Variants in RAB3C observed in about 807,000 individuals in gnomAD.
RAB3C encodes ras-related protein Rab-3C.
Under a neutral mutation model 26.4 loss-of-function variants are expected in RAB3C, and 17 were observed. The observed-to-expected ratio is 0.64, with a 90% CI of 0.44 to 0.97. The LOEUF (loss-of-function observed/expected upper bound fraction) is 0.97. Ranked by LOEUF, RAB3C falls within the 50% of genes least tolerant of loss-of-function variation. The probability of loss-of-function intolerance (pLI) is 0.00; values close to 1 mark genes in which losing one functional copy is unlikely to be tolerated. For missense variants in RAB3C, 242 were observed against 281.9 expected, an observed-to-expected ratio of 0.86 and a Z score of 1.01; for synonymous variants, 91 against 95.9, an observed-to-expected ratio of 0.95 and a Z score of 0.30.
At chr5:58,699,243 G>A (rs1168051725) in intron 2 of RAB3C, among the ~76,000 whole-genome samples, 2 of 152,152 alleles carry the variant, frequency 1.3e-5, no homozygotes, top group Non-Finnish European at 2.9e-5. Context: ...TGTTTGCCTG[G>A]GTAGCATCAG....
At chr5:58,834,316 C>T (rs1743685755) in intron 4 of RAB3C, among the ~76,000 whole-genome samples, 1 of 152,192 alleles carries the variant, frequency 6.6e-6, no homozygotes, top group Admixed American at 6.5e-5. Flanking sequence ...TGAGCTCAGA[C>T]CTGCAATGTT....
chr5:58,611,648 T>C (rs1291380138), intron 1 of RAB3C, among the ~76,000 whole-genome samples: 1 of 152,148 alleles, frequency 6.6e-6, no homozygotes, highest in Non-Finnish European at 1.5e-5. Flanking sequence ...GTTAGAGGCA[T>C]AGTTTGCAAA....
intron 2 of RAB3C, among the ~76,000 whole-genome samples, chr5:58,624,912 T>C (rs1418375834): frequency 6.6e-6 from 1 of 152,150 alleles, no homozygotes; most frequent in East Asian, 1.9e-4. Flanking sequence ...CAATCTGGCA[T>C]TCAGTGATCC....
chr5:58,785,677 A>C (rs1396919881), intron 3 of RAB3C, among the ~76,000 whole-genome samples: 1 of 152,264 alleles, frequency 6.6e-6, no homozygotes, highest in Non-Finnish European at 1.5e-5. Flanking sequence ...AGGTGTTCAC[A>C]TCCTAATCTC....
intron 2 of RAB3C, among the ~76,000 whole-genome samples, chr5:58,658,071 GGAAA>G (rs1194082686): frequency 6.6e-6 from 1 of 152,138 alleles, no homozygotes; most frequent in Non-Finnish European, 1.5e-5. Flanking sequence ...TACAGAGAAA[GGAAA>G]GAAAGTTTGG....
intron 2 of RAB3C, among the ~76,000 whole-genome samples, chr5:58,635,082 G>A (rs1693137258): frequency 6.6e-6 from 1 of 152,122 alleles, no homozygotes; most frequent in South Asian, 2.1e-4. Context: ...ACTCAAAGAG[G>A]TGACAAGAAT....
chr5:58,764,375 C>A (rs1263666885), intron 3 of RAB3C, among the ~76,000 whole-genome samples: 2 of 152,156 alleles, frequency 1.3e-5, no homozygotes, highest in African/African-American at 4.8e-5. Flanking sequence ...GTGCTTTGTT[C>A]TAGAGGCAAG....
At chr5:58,693,611 A>C (rs1355334140) in intron 2 of RAB3C, among the ~76,000 whole-genome samples, 2 of 152,188 alleles carry the variant, frequency 1.3e-5, no homozygotes, top group Non-Finnish European at 2.9e-5. Context: ...AAGTGACTCC[A>C]AGTGACTTCT....
rs763652048 is a variant in RAB3C at position 58,802,296 on chromosome 5, G to A, written c.372-22742G>A. On this transcript the variant is annotated intron_variant, in intron 3 of 4. Transcript: ENST00000282878. ...TGGTATTCCTGGCTGGCTAATGGGCGAGCACACATTAATTCCAGGTTCAAA... is the reference window on the plus strand; with the variant it reads ...TGGTATTCCTGGCTGGCTAATGGGCAAGCACACATTAATTCCAGGTTCAAA... 7.2e-5 allele frequency among the ~76,000 whole-genome samples: 11 copies of A among 152,124 alleles called. No homozygotes were observed. The East Asian group carries it at 9.7e-4, about 13-fold the overall frequency.
chr5:58,594,741 C>T (rs1746211493), intron 1 of RAB3C, among the ~76,000 whole-genome samples: 2 of 151,196 alleles, frequency 1.3e-5, no homozygotes, highest in Admixed American at 1.3e-4. Context: ...AGGAATTTTT[C>T]AATGGCTCTT....
At chr5:58,730,895 G>A (rs1741002430) in intron 3 of RAB3C, among the ~76,000 whole-genome samples, 2 of 152,084 alleles carry the variant, frequency 1.3e-5, no homozygotes, top group African/African-American at 4.8e-5. Context: ...GGCCAGGGAG[G>A]CCTCACAGTC....
chr5:58,832,974 A>G lies in RAB3C; in HGVS notation c.496+7812A>G, dbSNP rs1743647815. Among the ~76,000 whole-genome samples, 3 of 152,236 alleles carry G rather than the reference A, an allele frequency of 2.0e-5. No homozygotes were observed. The South Asian group carries it at 6.2e-4, about 32-fold the overall frequency. On this transcript the variant is annotated intron_variant, in intron 4 of 4. Transcript: ENST00000282878. ...AGAAATTAGGGTGTTTAAGATCAGC[A>G]GGAGTACAAAAGGAAAATATTAATA...
chr5:58,836,945 G>C (rs1389483158), intron 4 of RAB3C, among the ~76,000 whole-genome samples: 1 of 152,074 alleles, frequency 6.6e-6, no homozygotes, highest in Non-Finnish European at 1.5e-5. Context: ...CAGTTTTTTT[G>C]AGACACCTTC....
rs1198383545 is a variant in RAB3C, at chr5:58,853,110, C to T, written c.*1759C>T. 1.3e-5 allele frequency: 2 copies of T among 152,112 alleles called. No homozygotes were observed. Among genetic ancestry groups the T allele is most frequent in the African/African-American group, 4.8e-5 (2 of 41,408 alleles). 9.4% of individuals were successfully genotyped at this position (152,112 alleles called of 1,614,324 possible). ...AGTAGTACATTTCTACTTTGGTGCC[C>T]TACAAAGCAAACCTTAGCATAGTAA... On this transcript the variant is annotated 3_prime_UTR_variant, in exon 5 of 5. Transcript: ENST00000282878.
At chr5:58,717,986 C>T (rs1749207344) in intron 2 of RAB3C, among the ~76,000 whole-genome samples, 1 of 152,086 alleles carries the variant, frequency 6.6e-6, no homozygotes, top group South Asian at 2.1e-4. Context: ...GTAAAAGTCC[C>T]ATTCAAAAGC....
chr5:58,585,911 A>G (rs967326802), intron 1 of RAB3C, among the ~76,000 whole-genome samples: 2 of 152,088 alleles, frequency 1.3e-5, no homozygotes, highest in African/African-American at 4.8e-5. Context: ...TAGAATTCTA[A>G]TGCAGGAGAT....
intron 2 of RAB3C, among the ~76,000 whole-genome samples, chr5:58,647,272 T>G (rs1747539973): frequency 6.6e-6 from 1 of 152,236 alleles, no homozygotes; most frequent in Non-Finnish European, 1.5e-5. Context: ...CTCACAGTTC[T>G]GCATGGCTGG....
At chr5:58,770,969 T>C (rs1451118025) in intron 3 of RAB3C, among the ~76,000 whole-genome samples, 1 of 152,170 alleles carries the variant, frequency 6.6e-6, no homozygotes, top group African/African-American at 2.4e-5. Flanking sequence ...GGTTTAAAAA[T>C]ATTTAAAGAA....
chr5:58,786,161 A>G (rs1308783897), intron 3 of RAB3C, among the ~76,000 whole-genome samples: 1 of 152,250 alleles, frequency 6.6e-6, no homozygotes, highest in East Asian at 1.9e-4. Flanking sequence ...AAGTAATACA[A>G]GTATGATATT....
Sources: gnomAD v4.1 joint callset for allele counts (sites outside exome capture counted in the v4.1 genomes callset) on GRCh38, gnomAD v4.1.1 for gene constraint, MANE v1.5 for transcripts, NCBI Gene and HGNC (gene_info 2026-07-23, HGNC 2026-07-21) for gene names.